The following RASA2 variants were observed in gnomAD, a reference collection of about 807,000 sequenced individuals.
The protein encoded by RASA2 is ras GTPase-activating protein 2.
A neutral mutation model predicts 118.2 loss-of-function variants in RASA2; 155 were observed. The ratio of observed to expected loss-of-function variants is 1.31; its 90% CI spans 1.15 to 1.50. The LOEUF (loss-of-function observed/expected upper bound fraction) is 1.50. RASA2 is among the 40% of genes most tolerant of loss of function. RASA2 has a pLI of 0.00. For missense variants in RASA2, 1,016 were observed against 1,009.6 expected (o/e 1.01, Z -0.09); for synonymous variants, 353 against 349.1 (o/e 1.01, Z -0.12).
chr3:141,545,785 G>A (rs2082476176), intron 5 of RASA2, among the ~76,000 whole-genome samples: 1 of 151,716 alleles, frequency 6.6e-6, no homozygotes, highest in African/African-American at 2.4e-5. Context: ...AATTATTGTT[G>A]TCTGTAGTCA....
At chr3:141,610,550 G>C (rs1358839861) in intron 23 of RASA2, among the ~76,000 whole-genome samples, 1 of 147,012 alleles carries the variant, frequency 6.8e-6, no homozygotes, top group Non-Finnish European at 1.5e-5. Context: ...GAGTGCAGTG[G>C]TGTGATCATA....
At chr3:141,607,807 T>A in intron 20 of RASA2, 47 bp downstream of exon 20, 1 of 1,489,576 alleles carries the variant, frequency 6.7e-7, no homozygotes, top group Non-Finnish European at 8.9e-7. Flanking sequence ...CTGCATATAT[T>A]ACTTAAGTAT....
intron 3 of RASA2, among the ~76,000 whole-genome samples, 161 bp downstream of exon 3, chr3:141,516,592 A>T (rs919691359): frequency 2.0e-5 from 3 of 152,066 alleles, no homozygotes; most frequent in Admixed American, 6.5e-5. Flanking sequence ...TTTAATTTGT[A>T]TGTTCAGCTT....
intron 9 of RASA2, among the ~76,000 whole-genome samples, chr3:141,565,537 C>T (rs1377700955): frequency 6.6e-6 from 1 of 152,150 alleles, no homozygotes; most frequent in Non-Finnish European, 1.5e-5. Context: ...AATCCCCATA[C>T]TGTTCTTGTG....
intron 15 of RASA2, among the ~76,000 whole-genome samples, chr3:141,580,079 AAAAAAAATATATAT>A (rs1560047303): frequency 4.9e-5 from 5 of 101,902 alleles, no homozygotes; most frequent in South Asian, 3.7e-4. Flanking sequence ...GAAAAAAAAA[AAAAAAAATATATAT>A]ATATATATAT....
At chr3:141,517,810 C>A (rs995602014) in intron 3 of RASA2, among the ~76,000 whole-genome samples, 2 of 152,082 alleles carry the variant, frequency 1.3e-5, no homozygotes, top group East Asian at 1.9e-4. Flanking sequence ...CCCACCACCA[C>A]GCCCGACTAA....
chr3:141,546,185 CA>C (rs1357124741), intron 5 of RASA2, among the ~76,000 whole-genome samples: 9 of 152,156 alleles, frequency 5.9e-5, no homozygotes, highest in African/African-American at 2.2e-4. Context: ...GATACCTCTT[CA>C]ATATACTGAT....
intron 15 of RASA2, among the ~76,000 whole-genome samples, chr3:141,580,088 AT>A (rs1560047501): frequency 1.7e-3 from 137 of 78,970 alleles, no homozygotes; most frequent in Non-Finnish European, 2.5e-3. Flanking sequence ...AAAAAAAAAT[AT>A]ATATATATAT....
intron 3 of RASA2, among the ~76,000 whole-genome samples, chr3:141,528,135 AT>A (rs1412047286): frequency 1.3e-5 from 2 of 151,914 alleles, no homozygotes; most frequent in African/African-American, 2.4e-5. Flanking sequence ...CTTCGATTGT[AT>A]TTTTTTAATA....
chr3:141,524,255 C>G lies in RASA2; in HGVS notation c.356-5453C>G, dbSNP rs117350561. ...CTGACTATTAGCTGGACCTTCCTCA[C>G]CACATGGTCTCCTGATTGGTTCTAA... On this transcript the variant is annotated intron_variant, in intron 3 of 23. Coordinates refer to ENST00000286364, the MANE Select transcript of RASA2 (RefSeq NM_006506.5). 1.4e-3 allele frequency among the ~76,000 whole-genome samples: 218 copies of G among 152,236 alleles called. 7 individuals are homozygous for G. The East Asian group carries it at 0.025, about 17-fold the overall frequency.
rs147305891 is a variant in RASA2, at chr3:141,590,765, A to G, written c.1933+4013A>G. Among the ~76,000 whole-genome samples, 10 of 152,332 alleles carry G rather than the reference A, an allele frequency of 6.6e-5. No individual in the cohort carries two copies. The East Asian group carries it at 7.7e-4, about 12-fold the overall frequency. The stretch of plus-strand genomic sequence containing the variant: ...CTCTCTCTTCCTAATATACAGTAGT[A>G]TTGTGAATCAAGTATTTCTGTCACT... On this transcript the variant is annotated intron_variant, in intron 19 of 23. Coordinates refer to ENST00000286364, the MANE Select transcript of RASA2 (RefSeq NM_006506.5).
At chr3:141,524,043 A>G (rs781597810) in intron 3 of RASA2, among the ~76,000 whole-genome samples, 6 of 152,224 alleles carry the variant, frequency 3.9e-5, no homozygotes, top group Non-Finnish European at 7.3e-5. Flanking sequence ...TCAGTTATCT[A>G]CTGCTATGTA....
intron 1 of RASA2, among the ~76,000 whole-genome samples, chr3:141,506,651 G>A (rs2081871316): frequency 6.6e-6 from 1 of 152,106 alleles, no homozygotes. Flanking sequence ...GGTAGCTCAC[G>A]CCTATAATCC....
At chr3:141,553,966 G>A in intron 6 of RASA2, 26 bp downstream of exon 6, 1 of 1,574,108 alleles carries the variant, frequency 6.4e-7, no homozygotes, top group Non-Finnish European at 8.6e-7. Context: ...TTATTATTAG[G>A]TTTTAAAGTT....
intron 1 of RASA2, among the ~76,000 whole-genome samples, chr3:141,496,234 A>G (rs964001071): frequency 1.3e-5 from 2 of 152,222 alleles, no homozygotes; most frequent in South Asian, 2.1e-4. Flanking sequence ...AACCTAGGCA[A>G]TACCATTCAG....
At chr3:141,489,205 A>T (rs1373722549) in intron 1 of RASA2, among the ~76,000 whole-genome samples, 1 of 151,954 alleles carries the variant, frequency 6.6e-6, no homozygotes, top group Non-Finnish European at 1.5e-5. Context: ...CTTATAGCTC[A>T]GGTTATGGAG....
chr3:141,556,002 C>G (rs1453012122), intron 7 of RASA2, 90 bp downstream of exon 7: 35 of 1,015,498 alleles, frequency 3.4e-5, no homozygotes, highest in Non-Finnish European at 4.5e-5. Context: ...TCATAGTAAT[C>G]ATTTTATCAA....
chr3:141,490,500 G>A (rs898160142), intron 1 of RASA2, among the ~76,000 whole-genome samples: 2 of 152,032 alleles, frequency 1.3e-5, no homozygotes, highest in Non-Finnish European at 1.5e-5. Flanking sequence ...AAAATGTTGC[G>A]GAGAGCACCC....
chr3:141,524,212 T>C lies in RASA2; in HGVS notation c.356-5496T>C, dbSNP rs1362039219. 2.6e-5 allele frequency among the ~76,000 whole-genome samples: 4 copies of C among 152,324 alleles called. No individual in the cohort carries two copies. The South Asian group carries it at 8.3e-4, about 32-fold the overall frequency. On this transcript the variant is annotated intron_variant, in intron 3 of 23. Coordinates refer to ENST00000286364, the MANE Select transcript of RASA2 (RefSeq NM_006506.5). ...GATTGGGGCTGGCTGGTCTGATTCATATGTCTGATGGTTGGTGCTGACTAT... is the reference window on the plus strand; with the variant it reads ...GATTGGGGCTGGCTGGTCTGATTCACATGTCTGATGGTTGGTGCTGACTAT...
Sources: allele counts gnomAD v4.1 joint callset (sites outside exome capture counted in the v4.1 genomes callset), GRCh38; gene constraint gnomAD v4.1.1; transcripts MANE v1.5; gene names NCBI Gene and HGNC (gene_info 2026-07-23, HGNC 2026-07-21).